The following GAREM1 variants were observed in gnomAD, a reference collection of about 807,000 sequenced individuals.
The protein encoded by GAREM1 is GRB2-associated and regulator of MAPK protein 1.
A neutral mutation model predicts 71.3 loss-of-function variants in GAREM1; 26 were observed. The ratio of observed to expected loss-of-function variants is 0.36; its 90% CI spans 0.27 to 0.51. GAREM1 has a LOEUF of 0.51. Ranked by LOEUF, GAREM1 falls within the 20% of genes least tolerant of loss-of-function variation. The pLI is 0.95. For synonymous variants in GAREM1, 440 were observed against 433.2 expected (o/e 1.02, Z -0.20); for missense variants, 1,026 against 1,103.1 (o/e 0.93, Z 0.99).
At chr18:32,355,861 T>C (rs2047800049) in intron 2 of GAREM1, among the ~76,000 whole-genome samples, 1 of 152,200 alleles carries the variant, frequency 6.6e-6, no homozygotes, top group African/African-American at 2.4e-5. Context: ...CACAGTACAG[T>C]TGAACAGGAA....
At chr18:32,354,263 A>C (rs1213769518) in intron 2 of GAREM1, among the ~76,000 whole-genome samples, 1 of 152,208 alleles carries the variant, frequency 6.6e-6, no homozygotes, top group Non-Finnish European at 1.5e-5. Context: ...ACTTAGTTTG[A>C]AAGTATGAAC....
intron 2 of GAREM1, among the ~76,000 whole-genome samples, chr18:32,334,794 C>T (rs2047572997): frequency 6.6e-6 from 1 of 152,144 alleles, no homozygotes; most frequent in Non-Finnish European, 1.5e-5. Flanking sequence ...CTGCCCTTAC[C>T]CAGTGAAAAT....
At chr18:32,333,908 G>A (rs574425302) in intron 2 of GAREM1, among the ~76,000 whole-genome samples, 3 of 152,252 alleles carry the variant, frequency 2.0e-5, no homozygotes, top group Admixed American at 1.3e-4. Context: ...GCCGGTGTGC[G>A]GTCCGCAGAG....
intron 4 of GAREM1, among the ~76,000 whole-genome samples, chr18:32,275,430 G>A (rs1406544021): frequency 6.6e-6 from 1 of 152,180 alleles, no homozygotes; most frequent in Non-Finnish European, 1.5e-5. Flanking sequence ...TTTGAGGTGG[G>A]TGTTACCGTC....
intron 1 of GAREM1, among the ~76,000 whole-genome samples, chr18:32,407,708 A>T (rs1023407905): frequency 4.6e-5 from 7 of 152,080 alleles, no homozygotes; most frequent in Non-Finnish European, 1.0e-4. Flanking sequence ...CTAGAGTGGC[A>T]GCAACCATCT....
intron 2 of GAREM1, among the ~76,000 whole-genome samples, chr18:32,314,886 C>A (rs574872575): frequency 6.6e-6 from 1 of 152,206 alleles, no homozygotes; most frequent in East Asian, 1.9e-4. Flanking sequence ...CGCGCCCTGC[C>A]AATTTTTTTG....
chr18:32,272,998 A>G (rs1206265838), intron 4 of GAREM1, among the ~76,000 whole-genome samples: 1 of 152,210 alleles, frequency 6.6e-6, no homozygotes. Flanking sequence ...CACGGTAGCC[A>G]GATGTGTTTC....
At chr18:32,398,543 A>G (rs2144667354) in intron 1 of GAREM1, among the ~76,000 whole-genome samples, 1 of 152,346 alleles carries the variant, frequency 6.6e-6, no homozygotes, top group Admixed American at 6.5e-5. Flanking sequence ...AAACACCTCT[A>G]TGCAAATAAA....
At chr18:32,400,342 G>C (rs368072585) in intron 1 of GAREM1, among the ~76,000 whole-genome samples, 1 of 152,098 alleles carries the variant, frequency 6.6e-6, no homozygotes, top group Non-Finnish European at 1.5e-5. Context: ...TTAAACTAAA[G>C]AGCTTCTGCA....
At chr18:32,364,026 A>ATATATATATTTTTTTTT (rs1336753011) in intron 2 of GAREM1, among the ~76,000 whole-genome samples, 1 of 46,418 alleles carries the variant, frequency 2.2e-5, no homozygotes, top group African/African-American at 1.6e-4. Flanking sequence ...ATATATATAT[A>ATATATATATTTTTTTTT]TGTTTTTTTT....
chr18:32,315,734 A>C (rs2047372348), intron 2 of GAREM1, among the ~76,000 whole-genome samples: 1 of 151,980 alleles, frequency 6.6e-6, no homozygotes, highest in Admixed American at 6.6e-5. Context: ...GTACTGTTCA[A>C]GTCGTTAAAT....
Position 32,267,857 on chromosome 18 carries a change from C to T in GAREM1, c.*14G>A, listed in dbSNP as rs201551881. The T allele has an allele frequency of 3.2e-4, 510 of 1,598,698 alleles. 2 individuals carry two copies. The East Asian group carries it at 5.1e-3, about 16-fold the overall frequency. On this transcript the variant is annotated 3_prime_UTR_variant, in exon 6 of 6. Coordinates refer to ENST00000269209, the MANE Select transcript of GAREM1 (RefSeq NM_001242409.2). The stretch of plus-strand genomic sequence containing the variant: ...TTGATCAGTTTTGTTCCATGCTGGC[C>T]GGGGGTTATTTGGCTATATTTTGGG...
At chr18:32,278,531 A>G (rs2041572567) in intron 4 of GAREM1, among the ~76,000 whole-genome samples, 1 of 152,206 alleles carries the variant, frequency 6.6e-6, no homozygotes. Context: ...CTAAAAAGCC[A>G]AATGCAGGAC....
In GAREM1 at chr18:32,309,144, C is replaced by T. The variant is rs2144515850; in HGVS notation, c.393+1049G>A. Among the ~76,000 whole-genome samples the T allele has an allele frequency of 2.7e-5, 4 of 150,342 alleles. No homozygotes were observed. In the Middle Eastern group the frequency reaches 0.014, roughly 511 times the overall value. On this transcript the variant is annotated intron_variant, in intron 3 of 5. Coordinates refer to ENST00000269209, the MANE Select transcript of GAREM1 (RefSeq NM_001242409.2). ...AAAGAGAAAACCCCTTCAATGTGAACACTTTCTAAAGTGTTTTAGTGTAAT... is the reference window on the plus strand; with the variant it reads ...AAAGAGAAAACCCCTTCAATGTGAATACTTTCTAAAGTGTTTTAGTGTAAT...
chr18:32,425,048 C>G (rs1381288748), intron 1 of GAREM1, among the ~76,000 whole-genome samples: 1 of 152,140 alleles, frequency 6.6e-6, no homozygotes, highest in South Asian at 2.1e-4. Context: ...AGTAAAGGGT[C>G]AACCAAATGA....
chr18:32,377,609 G>A (rs1164225912), intron 2 of GAREM1, among the ~76,000 whole-genome samples: 3 of 152,190 alleles, frequency 2.0e-5, no homozygotes, highest in Non-Finnish European at 1.5e-5. Flanking sequence ...TGTCGCCCAG[G>A]CTGGAGTGCA....
chr18:32,333,470 G>A (rs1285907187), intron 2 of GAREM1, among the ~76,000 whole-genome samples: 1 of 152,194 alleles, frequency 6.6e-6, no homozygotes, highest in African/African-American at 2.4e-5. Flanking sequence ...TATGTCAGAA[G>A]CCAAGTTTCA....
At position 32,410,906 on chromosome 18, in the gene GAREM1, G is replaced by A. The variant is rs1019661479; in HGVS notation, c.122-17871C>T. Among the ~76,000 whole-genome samples the A allele has an allele frequency of 3.9e-5, 6 of 152,216 alleles. No individual in the cohort carries two copies. The East Asian group carries it at 7.8e-4, about 20-fold the overall frequency. On this transcript the variant is annotated intron_variant, in intron 1 of 5. Transcript: ENST00000269209. ...CAACCTCCGTCTCCCGGGTTCAAGC[G>A]ATTCTCGTGCTTCAGCTTCCCAAGT...
Position 32,288,206 on chromosome 18 carries a change from A to G in GAREM1, c.394-3T>C, listed in dbSNP as rs1046720802. ...TCATTGCATTCACCTGAAGCAACCT[A>G]CAATATAATAAATCACATTTTACGT... On this transcript the variant is annotated splice_region_variant and splice_polypyrimidine_tract_variant and intron_variant, in intron 3 of 5. Coordinates refer to ENST00000269209, the MANE Select transcript of GAREM1 (RefSeq NM_001242409.2). The G allele has an allele frequency of 6.3e-7, 1 of 1,577,930 alleles. No individual in the cohort carries two copies. The highest frequency in any genetic ancestry group is 8.6e-7 in the Non-Finnish European group (1 of 1,163,492).
Sources: gnomAD v4.1 joint callset for allele counts (sites outside exome capture counted in the v4.1 genomes callset) on GRCh38, gnomAD v4.1.1 for gene constraint, MANE v1.5 for transcripts, NCBI Gene and HGNC (gene_info 2026-07-23, HGNC 2026-07-21) for gene names.